The following CLSTN2 variants were observed in gnomAD, a reference collection of about 807,000 sequenced individuals.
CLSTN2 encodes the protein calsyntenin-2.
Under a neutral mutation model 101.2 loss-of-function variants are expected in CLSTN2, and 48 were observed. That is an observed-to-expected ratio of 0.47 (90% CI 0.38 to 0.60). CLSTN2 has a LOEUF of 0.60. CLSTN2 is among the 20% of genes least tolerant of loss of function. CLSTN2 has a pLI of 0.00. For missense variants in CLSTN2, 1,160 were observed against 1,238.2 expected (o/e 0.94, Z 0.95); for synonymous variants, 481 against 463.6 (o/e 1.04, Z -0.48).
At chr3:140,215,521 G>A (rs1460720705) in intron 2 of CLSTN2, among the ~76,000 whole-genome samples, 1 of 152,206 alleles carries the variant, frequency 6.6e-6, no homozygotes. Context: ...GGAAATGAAT[G>A]AGAATTCCTG....
At chr3:140,156,420 T>C (rs2009954831) in intron 1 of CLSTN2, among the ~76,000 whole-genome samples, 1 of 152,254 alleles carries the variant, frequency 6.6e-6, no homozygotes, top group Non-Finnish European at 1.5e-5. Flanking sequence ...ATTTATTGAA[T>C]TGATGAATGG....
At chr3:139,956,483 G>T (rs1289047865) in intron 1 of CLSTN2, among the ~76,000 whole-genome samples, 1 of 152,136 alleles carries the variant, frequency 6.6e-6, no homozygotes, top group African/African-American at 2.4e-5. Context: ...AGAAGGCGTT[G>T]TTGCTCACAT....
intron 2 of CLSTN2, among the ~76,000 whole-genome samples, chr3:140,382,835 A>G (rs569151892): frequency 5.9e-5 from 9 of 151,880 alleles, no homozygotes; most frequent in Admixed American, 5.2e-4. Context: ...CCTCATTTAT[A>G]AGGGCACTGA....
At chr3:140,510,385 G>A (rs566608184) in intron 8 of CLSTN2, among the ~76,000 whole-genome samples, 14 of 152,290 alleles carry the variant, frequency 9.2e-5, no homozygotes, top group African/African-American at 2.6e-4. Context: ...TGCAAAAGTC[G>A]CAGCACGGTG....
intron 2 of CLSTN2, among the ~76,000 whole-genome samples, chr3:140,393,506 A>G: frequency 6.6e-6 from 1 of 152,206 alleles, no homozygotes; most frequent in East Asian, 1.9e-4. Flanking sequence ...GGGAAACTCC[A>G]TGCCTGCTAG....
Position 140,429,343 on chromosome 3 carries a change from G to A in CLSTN2, c.787+8069G>A, listed in dbSNP as rs184277449. 9.2e-5 allele frequency among the ~76,000 whole-genome samples: 14 copies of A among 152,272 alleles called. No individual in the cohort carries two copies. The South Asian group carries it at 1.2e-3, about 14-fold the overall frequency. ...GGATAAAAGCTGCACTGGAGGGACC[G>A]TGGGAAGACAAAGGGGATACTTAAC... On this transcript the variant is annotated intron_variant, in intron 5 of 16. Transcript: ENST00000458420.
chr3:140,180,859 C>CAT (rs1445768435), intron 2 of CLSTN2, among the ~76,000 whole-genome samples: 2 of 152,184 alleles, frequency 1.3e-5, no homozygotes, highest in East Asian at 3.9e-4. Flanking sequence ...AATGCTCTTT[C>CAT]ATACATGGTT....
intron 1 of CLSTN2, among the ~76,000 whole-genome samples, chr3:140,041,562 C>G (rs2007762343): frequency 6.6e-6 from 1 of 152,164 alleles, no homozygotes. Context: ...CCCCACCTGT[C>G]ATTTTGGACT....
intron 1 of CLSTN2, among the ~76,000 whole-genome samples, chr3:140,094,022 C>T (rs567531598): frequency 1.3e-5 from 2 of 152,300 alleles, no homozygotes; most frequent in Admixed American, 1.3e-4. Flanking sequence ...GACACAGTTC[C>T]TTCTGAAAGC....
At chr3:139,953,672 G>A (rs1259678122) in intron 1 of CLSTN2, among the ~76,000 whole-genome samples, 1 of 152,170 alleles carries the variant, frequency 6.6e-6, no homozygotes, top group Non-Finnish European at 1.5e-5. Context: ...CCTCAGGTGG[G>A]AGGATGACTG....
chr3:140,150,273 A>G (rs1273841496), intron 1 of CLSTN2, among the ~76,000 whole-genome samples: 3 of 152,206 alleles, frequency 2.0e-5, no homozygotes, highest in Admixed American at 2.0e-4. Flanking sequence ...TGATAGAAGC[A>G]TATGCTGTGG....
chr3:139,993,656 ATGT>A (rs1936153680), intron 1 of CLSTN2, among the ~76,000 whole-genome samples: 1 of 152,082 alleles, frequency 6.6e-6, no homozygotes, highest in African/African-American at 2.4e-5. Flanking sequence ...TACTTTCTGG[ATGT>A]TGTTCTGATG....
intron 2 of CLSTN2, among the ~76,000 whole-genome samples, chr3:140,309,087 C>T (rs891321945): frequency 1.3e-5 from 2 of 152,178 alleles, no homozygotes. Context: ...TCTCTGTTCC[C>T]TACTCTCATA....
chr3:140,434,824 G>A (rs1296256718), intron 5 of CLSTN2, among the ~76,000 whole-genome samples: 1 of 152,220 alleles, frequency 6.6e-6, no homozygotes, highest in Non-Finnish European at 1.5e-5. Context: ...TGATGGGGTA[G>A]ATGGACTAGT....
At chr3:140,202,312 A>G (rs2010727676) in intron 2 of CLSTN2, among the ~76,000 whole-genome samples, 1 of 152,198 alleles carries the variant, frequency 6.6e-6, no homozygotes, top group Non-Finnish European at 1.5e-5. Context: ...GGCTTATATC[A>G]GCAGGTGAGA....
intron 5 of CLSTN2, among the ~76,000 whole-genome samples, chr3:140,446,244 G>A (rs1295385994): frequency 6.6e-6 from 1 of 152,166 alleles, no homozygotes; most frequent in Non-Finnish European, 1.5e-5. Flanking sequence ...CTCATCCTCT[G>A]GGAGGGGATG....
intron 1 of CLSTN2, among the ~76,000 whole-genome samples, chr3:140,074,960 C>G (rs941544610): frequency 6.6e-6 from 1 of 152,144 alleles, no homozygotes. Flanking sequence ...TTCATGGACA[C>G]AGTTTGTCTC....
rs150691037 is a variant in CLSTN2, at chr3:140,269,437, T to C, written c.232+93364T>C. Among the ~76,000 whole-genome samples, 13 of 152,340 alleles carry C rather than the reference T, an allele frequency of 8.5e-5. No homozygotes were observed. In the East Asian group the frequency reaches 2.3e-3, roughly 27 times the overall value. On this transcript the variant is annotated intron_variant, in intron 2 of 16. Coordinates refer to ENST00000458420, the MANE Select transcript of CLSTN2 (RefSeq NM_022131.3). ...CTGAGTGTTTTGGAACTCAGATACA[T>C]ACCTGCTGGCAGGGATGGCTGAGAG...
chr3:140,254,147 A>C lies in CLSTN2; in HGVS notation c.232+78074A>C, dbSNP rs376683295. ...CTCATGTTCTCGACTTCCATTGCAC[A>C]TACATGACATAATCTGAGAAGAGAT... is the stretch of plus-strand genomic sequence containing the variant. On this transcript the variant is annotated intron_variant, in intron 2 of 16. Transcript: ENST00000458420. Among the ~76,000 whole-genome samples, 29 of 152,312 alleles carry C rather than the reference A, an allele frequency of 1.9e-4. No individual in the cohort carries two copies. In the East Asian group the frequency reaches 5.0e-3, roughly 26 times the overall value.
Sources: gnomAD v4.1 joint callset for allele counts (sites outside exome capture counted in the v4.1 genomes callset) on GRCh38, gnomAD v4.1.1 for gene constraint, MANE v1.5 for transcripts, NCBI Gene and HGNC (gene_info 2026-07-23, HGNC 2026-07-21) for gene names.